Variants in KIRREL3 observed in about 807,000 individuals in gnomAD.
KIRREL3 encodes the protein kirre like nephrin family adhesion molecule 3.
A neutral mutation model predicts 89.7 loss-of-function variants in KIRREL3; 36 were observed. That is an observed-to-expected ratio of 0.40 (90% CI 0.31 to 0.53). KIRREL3 has a LOEUF of 0.53. Ranked by LOEUF, KIRREL3 falls within the 20% of genes least tolerant of loss-of-function variation. The pLI, the probability that KIRREL3 is intolerant of heterozygous loss-of-function variation, is 0.49. For synonymous variants in KIRREL3, 445 were observed against 441.4 expected, an observed-to-expected ratio of 1.01 and a Z score of -0.10; for missense variants, 864 against 1,056.6, an observed-to-expected ratio of 0.82 and a Z score of 2.53.
At chr11:126,911,533 A>G (rs1474129150) in intron 1 of KIRREL3, among the ~76,000 whole-genome samples, 2 of 152,172 alleles carry the variant, frequency 1.3e-5, no homozygotes, top group Non-Finnish European at 2.9e-5. Context: ...AGCTCAGCCC[A>G]GATTTCTGCT....
chr11:126,522,132 C>T lies in KIRREL3; in HGVS notation c.284-668G>A, dbSNP rs898535454. ...AGGGAGAAGAGATGGAAATGCTAAG[C>T]GTGGACAGACACCGCTGGCTTATTA... On this transcript the variant is annotated intron_variant, in intron 3 of 16. Coordinates refer to ENST00000525144, the MANE Select transcript of KIRREL3 (RefSeq NM_032531.4). The surrounding 1 kb of genome is among the most constrained non-coding windows in gnomAD (Gnocchi z 6.0). 4.6e-5 allele frequency among the ~76,000 whole-genome samples: 7 copies of T among 152,154 alleles called. No individual in the cohort carries two copies. The highest frequency in any genetic ancestry group is 1.3e-4 in the Admixed American group (2 of 15,280).
intron 1 of KIRREL3, among the ~76,000 whole-genome samples, chr11:126,665,766 A>G (rs931455684): frequency 7.2e-5 from 11 of 152,254 alleles, no homozygotes; most frequent in Non-Finnish European, 1.6e-4. Context: ...CTTCAGCCCC[A>G]GTGGTGAAGA....
Position 126,954,265 on chromosome 11 carries a change from T to TA in KIRREL3, c.55+46189dup, listed in dbSNP as rs201843914. On this transcript the variant is annotated intron_variant, in intron 1 of 16. Transcript: ENST00000525144. The surrounding 1 kb of genome is among the most constrained non-coding windows in gnomAD (Gnocchi z 4.1). Reference sequence around the variant, plus strand: ...TCTGGGAAGCTTTCATCAGGCCTCTTAAAAAAAAAAAAGCCCTGCCTCACA... The same window carrying TA: ...TCTGGGAAGCTTTCATCAGGCCTCTTAAAAAAAAAAAAAGCCCTGCCTCACA... Among the ~76,000 whole-genome samples, 2,009 of 139,974 alleles carry TA rather than the reference T, an allele frequency of 0.014. 52 individuals are homozygous for TA. Among genetic ancestry groups the TA allele is most frequent in the East Asian group, 0.12 (591 of 4,912 alleles). 91.8% of individuals were successfully genotyped at this position (139,974 alleles called of 152,430 possible). A position where few individuals can be genotyped will look rare whatever the true frequency, so the allele number is the denominator to read the frequency against.
At chr11:126,589,124 G>A (rs1385761519) in intron 1 of KIRREL3, among the ~76,000 whole-genome samples, 1 of 152,226 alleles carries the variant, frequency 6.6e-6, no homozygotes, top group Non-Finnish European at 1.5e-5. Context: ...CTGCTGCCCT[G>A]GAGCCGCTGC....
At position 126,653,536 on chromosome 11, in the gene KIRREL3, A is replaced by G. The variant is rs1220946957; in HGVS notation, c.56-90624T>C. Among the ~76,000 whole-genome samples, 2 of 152,250 alleles carry G rather than the reference A, an allele frequency of 1.3e-5. No individual in the cohort carries two copies. Among genetic ancestry groups the G allele is most frequent in the Non-Finnish European group, 2.9e-5 (2 of 68,046 alleles). On this transcript the variant is annotated intron_variant, in intron 1 of 16. Transcript: ENST00000525144. This position sits in a 1 kb window ranked among gnomAD's most constrained non-coding sequence, Gnocchi z 5.4. ...AGATGTAAAGAGCAATATAAACACC[A>G]GATACGGAATGAGAAAAAAGCGGCA...
rs1265705153 is a variant in KIRREL3 at position 126,535,556 on chromosome 11, C to T, written c.134-8869G>A. ...TCGGTGTGATGGTCTTAGGGCAGCA[C>T]TGCAGGGTGCTGGGTCGGGTGTGTG... is the stretch of plus-strand genomic sequence containing the variant. On this transcript the variant is annotated intron_variant, in intron 2 of 16. Transcript: ENST00000525144. This position sits in a 1 kb window ranked among gnomAD's most constrained non-coding sequence, Gnocchi z 4.5. Among the ~76,000 whole-genome samples the T allele has an allele frequency of 6.7e-6, 1 of 148,332 alleles. No homozygotes were observed. The highest frequency in any genetic ancestry group is 2.5e-5 in the African/African-American group (1 of 39,756).
intron 1 of KIRREL3, among the ~76,000 whole-genome samples, chr11:126,618,326 T>C (rs886395853): frequency 6.6e-5 from 10 of 152,232 alleles, no homozygotes; most frequent in Non-Finnish European, 1.2e-4. Context: ...CTTTTAGCTC[T>C]GAGATTCATG....
chr11:126,763,801 T>C lies in KIRREL3; in HGVS notation c.56-200889A>G, dbSNP rs1406693476. ...AAAGCACTTGACACACAGTAGGCAC[T>C]GAGTAAATTCTAGCTTCCCTGGTGT... On this transcript the variant is annotated intron_variant, in intron 1 of 16. Transcript: ENST00000525144. The surrounding 1 kb of genome is among the most constrained non-coding windows in gnomAD (Gnocchi z 4.7). Among the ~76,000 whole-genome samples, 1 of 152,118 alleles carries C rather than the reference T, an allele frequency of 6.6e-6. No individual in the cohort carries two copies. Among genetic ancestry groups the C allele is most frequent in the African/African-American group, 2.4e-5 (1 of 41,426 alleles).
At position 126,976,967 on chromosome 11, in the gene KIRREL3, C is replaced by T. The variant is rs964318183; in HGVS notation, c.55+23488G>A. ...CAGCTGATCGTCCCTCAACTATGAA[C>T]AGCACGATAGGAAAGAGAGTACCAA... On this transcript the variant is annotated intron_variant, in intron 1 of 16. Transcript: ENST00000525144. This position sits in a 1 kb window ranked among gnomAD's most constrained non-coding sequence, Gnocchi z 4.2. Among the ~76,000 whole-genome samples, 2 of 152,126 alleles carry T rather than the reference C, an allele frequency of 1.3e-5. No individual in the cohort carries two copies. Among genetic ancestry groups the T allele is most frequent in the African/African-American group, 4.8e-5 (2 of 41,418 alleles).
At chr11:126,440,761 T>C in intron 10 of KIRREL3, 1 of 608,780 alleles carries the variant, frequency 1.6e-6, no homozygotes, top group Non-Finnish European at 2.9e-6. Flanking sequence ...AGCGAATGCT[T>C]CTAAGTCAGA....
chr11:126,795,291 C>T lies in KIRREL3; in HGVS notation c.55+205164G>A, dbSNP rs927295156. ...CTTACCAATGGTAACAGATATACTA[C>T]ACTAATGCAAGATGCTAATAATGGG... On this transcript the variant is annotated intron_variant, in intron 1 of 16. Coordinates refer to ENST00000525144, the MANE Select transcript of KIRREL3 (RefSeq NM_032531.4). This position sits in a 1 kb window ranked among gnomAD's most constrained non-coding sequence, Gnocchi z 4.1. 6.6e-6 allele frequency among the ~76,000 whole-genome samples: 1 copy of T among 152,178 alleles called. No homozygotes were observed. Among genetic ancestry groups the T allele is most frequent in the Non-Finnish European group, 1.5e-5 (1 of 68,038 alleles).
chr11:126,479,438 G>T (rs915903749), intron 4 of KIRREL3, among the ~76,000 whole-genome samples: 1 of 152,218 alleles, frequency 6.6e-6, no homozygotes, highest in Non-Finnish European at 1.5e-5. Context: ...GCCACTCCAG[G>T]CCAGTGCCCA....
At chr11:126,493,599 G>C (rs533341046) in intron 4 of KIRREL3, among the ~76,000 whole-genome samples, 58 of 148,854 alleles carry the variant, frequency 3.9e-4, no homozygotes, top group South Asian at 1.1e-3. Context: ...AGCTTGCAGT[G>C]AGCTGAGATC....
intron 6 of KIRREL3, among the ~76,000 whole-genome samples, chr11:126,461,276 A>G (rs989049344): frequency 1.3e-5 from 2 of 152,232 alleles, no homozygotes; most frequent in African/African-American, 4.8e-5. Flanking sequence ...CTCACCACAC[A>G]GGAGGAGGCG....
chr11:126,636,982 G>A lies in KIRREL3; in HGVS notation c.56-74070C>T, dbSNP rs192339216. 2.6e-4 allele frequency among the ~76,000 whole-genome samples: 39 copies of A among 152,274 alleles called. No homozygotes were observed. Among genetic ancestry groups the A allele is most frequent in the African/African-American group, 7.2e-4 (30 of 41,548 alleles). On this transcript the variant is annotated intron_variant, in intron 1 of 16. Transcript: ENST00000525144. This position sits in a 1 kb window ranked among gnomAD's most constrained non-coding sequence, Gnocchi z 4.4. ...GATGTGAAAGTCCCTAGGAGGGTAG[G>A]CACTTAGTAATACTAGGCTACCTCC...
chr11:126,822,204 C>T (rs1943248466), intron 1 of KIRREL3, among the ~76,000 whole-genome samples: 1 of 152,204 alleles, frequency 6.6e-6, no homozygotes, highest in Non-Finnish European at 1.5e-5. Context: ...TTGCCTAGTA[C>T]ACATGAAGTG....
At chr11:126,648,156 C>T (rs1944765494) in intron 1 of KIRREL3, among the ~76,000 whole-genome samples, 1 of 152,178 alleles carries the variant, frequency 6.6e-6, no homozygotes, top group Admixed American at 6.5e-5. Context: ...CTAATATGGG[C>T]CTACTTCCCC....
Position 126,768,572 on chromosome 11 carries a change from A to G in KIRREL3, c.56-205660T>C, listed in dbSNP as rs559854614. 6.6e-6 allele frequency among the ~76,000 whole-genome samples: 1 copy of G among 152,338 alleles called. No homozygotes were observed. The highest frequency in any genetic ancestry group is 6.5e-5 in the Admixed American group (1 of 15,294). On this transcript the variant is annotated intron_variant, in intron 1 of 16. Transcript: ENST00000525144. The surrounding 1 kb of genome is among the most constrained non-coding windows in gnomAD (Gnocchi z 4.5). ...AAAGAAAAACAGGGGCATGAGCTAG[A>G]CAGGGACTGGAGGTGGGTTGGAGGA...
In KIRREL3 at chr11:126,571,250, C is replaced by G. The variant is rs944818720; in HGVS notation, c.56-8338G>C. On this transcript the variant is annotated intron_variant, in intron 1 of 16. Coordinates refer to ENST00000525144, the MANE Select transcript of KIRREL3 (RefSeq NM_032531.4). This position sits in a 1 kb window ranked among gnomAD's most constrained non-coding sequence, Gnocchi z 7.7. The stretch of plus-strand genomic sequence containing the variant: ...TGGGTTCCTCCCCTACCCTCAGACA[C>G]TGCCTGGGATCTTTCTCCCAACTGA... Among the ~76,000 whole-genome samples the G allele has an allele frequency of 2.6e-5, 4 of 152,222 alleles. No homozygotes were observed. The highest frequency in any genetic ancestry group is 5.9e-5 in the Non-Finnish European group (4 of 68,048).
Sources: gnomAD v4.1 joint callset for allele counts (sites outside exome capture counted in the v4.1 genomes callset) on GRCh38, gnomAD v4.1.1 for gene constraint, Gnocchi (gnomAD v3.1) non-coding constraint, MANE v1.5 for transcripts, NCBI Gene and HGNC (gene_info 2026-07-23, HGNC 2026-07-21) for gene names.